The following RALYL variants were observed in gnomAD, a reference collection of about 807,000 sequenced individuals.
The protein encoded by RALYL is RNA-binding Raly-like protein.
RALYL carries 29 observed loss-of-function variants against 35.1 expected under a neutral mutation model. The observed-to-expected ratio is 0.83, with a 90% CI of 0.61 to 1.13. RALYL has a LOEUF of 1.13. Among genes scored for constraint, RALYL ranks in the 50% most tolerant of loss-of-function variants. The pLI, the probability that RALYL is intolerant of heterozygous loss-of-function variation, is 0.00. For missense variants in RALYL, 359 were observed against 360.4 expected, an observed-to-expected ratio of 1.00 and a Z score of 0.03; for synonymous variants, 120 against 127.6, an observed-to-expected ratio of 0.94 and a Z score of 0.40.
At chr8:84,394,779 G>GT (rs1037135809) in intron 1 of RALYL, among the ~76,000 whole-genome samples, 11 of 151,850 alleles carry the variant, frequency 7.2e-5, no homozygotes, top group Non-Finnish European at 1.3e-4. Flanking sequence ...ATATGCAAAG[G>GT]TTTTTTACAA....
At chr8:84,340,531 A>G (rs1848616652) in intron 1 of RALYL, among the ~76,000 whole-genome samples, 2 of 152,120 alleles carry the variant, frequency 1.3e-5, no homozygotes, top group South Asian at 4.1e-4. Context: ...GGAACCATGC[A>G]GTATCTATTC....
intron 1 of RALYL, among the ~76,000 whole-genome samples, chr8:84,399,244 T>C (rs2042651225): frequency 6.6e-6 from 1 of 152,208 alleles, no homozygotes; most frequent in South Asian, 2.1e-4. Flanking sequence ...TGCTAAGTAC[T>C]TTACATGCAT....
At chr8:84,738,087 A>G (rs1167150618) in intron 2 of RALYL, among the ~76,000 whole-genome samples, 1 of 152,058 alleles carries the variant, frequency 6.6e-6, no homozygotes, top group Non-Finnish European at 1.5e-5. Context: ...AGATTCAGAT[A>G]AGTAAGTCAA....
chr8:84,799,067 G>A (rs1055483810), intron 3 of RALYL, among the ~76,000 whole-genome samples: 5 of 152,138 alleles, frequency 3.3e-5, no homozygotes, highest in African/African-American at 9.7e-5. Context: ...GCAAAACATG[G>A]GACTAGAAGT....
At chr8:84,336,083 T>C (rs2130797459) in intron 1 of RALYL, among the ~76,000 whole-genome samples, 1 of 152,252 alleles carries the variant, frequency 6.6e-6, no homozygotes, top group Admixed American at 6.5e-5. Flanking sequence ...AGCTTTTCTG[T>C]ATTTATTTTT....
intron 2 of RALYL, among the ~76,000 whole-genome samples, chr8:84,692,811 T>G (rs891955725): frequency 1.3e-5 from 2 of 151,960 alleles, no homozygotes; most frequent in Admixed American, 1.3e-4. Flanking sequence ...GATGTGTCAA[T>G]GTAATCACAA....
At chr8:84,896,445 T>C (rs1307124508) in intron 8 of RALYL, among the ~76,000 whole-genome samples, 1 of 152,214 alleles carries the variant, frequency 6.6e-6, no homozygotes, top group Non-Finnish European at 1.5e-5. Flanking sequence ...AGCTGCCAAT[T>C]TGGCTGTGTT....
At chr8:84,313,078 C>T (rs1259759077) in intron 1 of RALYL, among the ~76,000 whole-genome samples, 1 of 152,216 alleles carries the variant, frequency 6.6e-6, no homozygotes, top group East Asian at 1.9e-4. Flanking sequence ...GCAGTCCCAA[C>T]ATCACATGGA....
intron 1 of RALYL, among the ~76,000 whole-genome samples, chr8:84,270,334 G>T (rs530809159): frequency 9.2e-5 from 14 of 152,172 alleles, no homozygotes; most frequent in Non-Finnish European, 1.8e-4. Flanking sequence ...CTTCAAAGGT[G>T]CTCCTTGAAA....
intron 2 of RALYL, among the ~76,000 whole-genome samples, chr8:84,735,339 A>G (rs929079115): frequency 2.0e-5 from 3 of 152,204 alleles, no homozygotes; most frequent in Admixed American, 2.0e-4. Flanking sequence ...CTATCCAACT[A>G]ACAATTTAGT....
At chr8:84,261,313 A>G (rs1467164778) in intron 1 of RALYL, among the ~76,000 whole-genome samples, 1 of 152,176 alleles carries the variant, frequency 6.6e-6, no homozygotes, top group Non-Finnish European at 1.5e-5. Flanking sequence ...TGTAGTTCCC[A>G]TAATCCCCAC....
chr8:84,892,427 T>C (rs1303756788), intron 8 of RALYL, among the ~76,000 whole-genome samples: 1 of 151,924 alleles, frequency 6.6e-6, no homozygotes, highest in African/African-American at 2.4e-5. Context: ...CTGGCCAACA[T>C]GGTGAAACTT....
At chr8:84,885,147 A>C (rs1350350432) in intron 7 of RALYL, among the ~76,000 whole-genome samples, 2 of 152,126 alleles carry the variant, frequency 1.3e-5, no homozygotes, top group Non-Finnish European at 2.9e-5. Context: ...CCTAGGTTAC[A>C]GATCTAGAAC....
chr8:84,301,593 G>C (rs1840802780), intron 1 of RALYL, among the ~76,000 whole-genome samples: 1 of 150,498 alleles, frequency 6.6e-6, no homozygotes, highest in Non-Finnish European at 1.5e-5. Context: ...GGAGAATTAT[G>C]ATTGCTCTGT....
At chr8:84,579,480 C>A (rs1316916190) in intron 2 of RALYL, among the ~76,000 whole-genome samples, 2 of 152,214 alleles carry the variant, frequency 1.3e-5, no homozygotes, top group East Asian at 3.9e-4. Flanking sequence ...CTGTTCATGG[C>A]ACTTGCTGAC....
intron 1 of RALYL, among the ~76,000 whole-genome samples, chr8:84,364,759 C>T (rs1263538073): frequency 6.6e-6 from 1 of 152,050 alleles, no homozygotes; most frequent in Admixed American, 6.6e-5. Context: ...GTATATTCTA[C>T]ACTAGTTTTT....
intron 2 of RALYL, among the ~76,000 whole-genome samples, chr8:84,568,727 T>C (rs1807102877): frequency 1.5e-5 from 2 of 134,732 alleles, no homozygotes; most frequent in Admixed American, 1.5e-4. Context: ...TTCCTGACTT[T>C]TTAATGATTG....
chr8:84,896,158 T>G (rs1587046170), intron 8 of RALYL, among the ~76,000 whole-genome samples: 1 of 152,122 alleles, frequency 6.6e-6, no homozygotes, highest in East Asian at 1.9e-4. Flanking sequence ...TCTCTCACAC[T>G]CAGAGGTGCA....
chr8:84,717,707 G>A (rs530163769), intron 2 of RALYL, among the ~76,000 whole-genome samples: 2 of 152,124 alleles, frequency 1.3e-5, no homozygotes, highest in South Asian at 2.1e-4. Context: ...ATTAAATCTG[G>A]AATTGCATAA....
Sources: allele counts gnomAD v4.1 joint callset (sites outside exome capture counted in the v4.1 genomes callset), GRCh38; gene constraint gnomAD v4.1.1; transcripts MANE v1.5; gene names NCBI Gene and HGNC (gene_info 2026-07-23, HGNC 2026-07-21).